Variants in OXR1 observed in about 807,000 individuals in gnomAD.
The protein encoded by OXR1 is oxidation resistance 1.
Under a neutral mutation model 104.6 loss-of-function variants are expected in OXR1, and 41 were observed. The ratio of observed to expected loss-of-function variants is 0.39; its 90% confidence interval spans 0.31 to 0.51. OXR1 has a LOEUF of 0.51. Ranked by LOEUF, OXR1 falls within the 20% of genes least tolerant of loss-of-function variation. The pLI, the probability that OXR1 is intolerant of heterozygous loss-of-function variation, is 0.77. For missense variants in OXR1, 955 were observed against 1,031.9 expected, an observed-to-expected ratio of 0.93 and a Z score of 1.02; for synonymous variants, 348 against 348.4, an observed-to-expected ratio of 1.00 and a Z score of 0.01.
chr8:106,452,899 T>TTTTTTTTTTTTTTGAGACGG (rs1342276210), intron 2 of OXR1, among the ~76,000 whole-genome samples: 1 of 151,912 alleles, frequency 6.6e-6, no homozygotes, highest in African/African-American at 2.4e-5. Context: ...TGATATCTTT[T>TTTTTTTTTTTTTTGAGACGG]AATAGATGTA....
At chr8:106,511,007 C>T (rs1030636644) in intron 2 of OXR1, among the ~76,000 whole-genome samples, 1 of 152,132 alleles carries the variant, frequency 6.6e-6, no homozygotes, top group Non-Finnish European at 1.5e-5. Flanking sequence ...CTTAATCCTC[C>T]TGTTTAAGGG....
chr8:106,624,738 G>A (rs1259400302), intron 3 of OXR1, among the ~76,000 whole-genome samples: 9 of 152,042 alleles, frequency 5.9e-5, no homozygotes, highest in Admixed American at 2.6e-4. Context: ...ACATACATTC[G>A]CATTTTATTT....
At position 106,751,075 on chromosome 8, in the gene OXR1, C is replaced by T. The variant is rs1835857768; in HGVS notation, c.*134C>T. 2 of 628,612 alleles carry T rather than the reference C, an allele frequency of 3.2e-6. No individual in the cohort carries two copies. The highest frequency in any genetic ancestry group is 5.2e-6 in the Non-Finnish European group (2 of 384,676). 38.9% of individuals were successfully genotyped at this position (628,612 alleles called of 1,614,324 possible). A position where few individuals can be genotyped will look rare whatever the true frequency, so the allele number is the denominator to read the frequency against. On this transcript the variant is annotated 3_prime_UTR_variant, in exon 17 of 17. Coordinates refer to ENST00000517566, the MANE Select transcript of OXR1 (RefSeq NM_001198533.2). ...AATTAGTCTGTATCACCATTTATTA[C>T]AGTTATAATTTTGGAGTTTATTTTT...
intron 2 of OXR1, among the ~76,000 whole-genome samples, chr8:106,462,382 G>A (rs1179333954): frequency 6.6e-6 from 1 of 152,168 alleles, no homozygotes; most frequent in African/African-American, 2.4e-5. Context: ...CATTGAATAT[G>A]TTAGTTTGTT....
intron 2 of OXR1, among the ~76,000 whole-genome samples, chr8:106,389,918 T>A (rs1415442993): frequency 6.6e-6 from 1 of 152,036 alleles, no homozygotes; most frequent in African/African-American, 2.4e-5. Flanking sequence ...ATACAAAAAT[T>A]AGCTGGAAGT....
intron 2 of OXR1, among the ~76,000 whole-genome samples, chr8:106,448,958 G>A (rs578186169): frequency 2.0e-5 from 3 of 152,034 alleles, no homozygotes; most frequent in African/African-American, 7.2e-5. Context: ...TTTGTTCTCT[G>A]GTATAAAGTT....
At chr8:106,692,231 C>T (rs996084732) in intron 6 of OXR1, among the ~76,000 whole-genome samples, 9 of 152,048 alleles carry the variant, frequency 5.9e-5, no homozygotes, top group South Asian at 2.1e-4. Context: ...TCAACTGTAG[C>T]TCGAGATTTA....
intron 6 of OXR1, among the ~76,000 whole-genome samples, chr8:106,687,728 G>A (rs930764394): frequency 1.4e-4 from 20 of 142,752 alleles, no homozygotes; most frequent in Non-Finnish European, 2.0e-4. Flanking sequence ...AAAAAAAAAA[G>A]CTCAGTTTGA....
In OXR1 at chr8:106,737,514, A is replaced by C. The variant is rs759888502; in HGVS notation, c.1957-6A>C. On this transcript the variant is annotated splice_polypyrimidine_tract_variant and splice_region_variant and intron_variant, in intron 11 of 16. Coordinates refer to ENST00000517566, the MANE Select transcript of OXR1 (RefSeq NM_001198533.2). ...GGAATTATTGTCTTCCTGTCTCCAT[A>C]TTTAGGTAGTGTCAGTGGCTGAGTA... is the stretch of plus-strand genomic sequence containing the variant. 6 of 1,073,234 alleles carry C rather than the reference A, an allele frequency of 5.6e-6. No individual in the cohort carries two copies. In the South Asian group the frequency reaches 1.2e-4, roughly 21 times the overall value. 66.5% of individuals were successfully genotyped at this position (1,073,234 alleles called of 1,614,324 possible). A position where few individuals can be genotyped will look rare whatever the true frequency, so the allele number is the denominator to read the frequency against.
At chr8:106,454,581 C>G (rs1239750669) in intron 2 of OXR1, among the ~76,000 whole-genome samples, 1 of 151,992 alleles carries the variant, frequency 6.6e-6, no homozygotes, top group East Asian at 1.9e-4. Context: ...GTGACAACAT[C>G]AAAACTGCTA....
intron 2 of OXR1, among the ~76,000 whole-genome samples, chr8:106,420,823 A>G (rs1301483418): frequency 1.3e-5 from 2 of 151,764 alleles, no homozygotes; most frequent in Non-Finnish European, 2.9e-5. Flanking sequence ...AGATATTTAA[A>G]GTCTCAGACA....
intron 8 of OXR1, among the ~76,000 whole-genome samples, chr8:106,704,502 G>C (rs187970683): frequency 4.4e-5 from 6 of 136,430 alleles, no homozygotes; most frequent in African/African-American, 1.7e-4. Context: ...GGTTCAAGCG[G>C]TTCTCCTGCC....
chr8:106,618,201 CTTAGT>C (rs775262853), intron 3 of OXR1: 32 of 1,527,206 alleles, frequency 2.1e-5, no homozygotes, highest in Non-Finnish European at 2.7e-5. Flanking sequence ...TAAGTGCTCT[CTTAGT>C]GGCTTTAAAT....
intron 2 of OXR1, among the ~76,000 whole-genome samples, chr8:106,448,471 AAT>A (rs1373410913): frequency 6.6e-6 from 1 of 150,952 alleles, no homozygotes; most frequent in Non-Finnish European, 1.5e-5. Flanking sequence ...TCTCAATTAA[AAT>A]ATATTAAGCA....
intron 2 of OXR1, among the ~76,000 whole-genome samples, chr8:106,475,677 A>G (rs1821764106): frequency 6.6e-6 from 1 of 152,028 alleles, no homozygotes; most frequent in African/African-American, 2.4e-5. Flanking sequence ...GAATCAAAGA[A>G]GTCTTGAATA....
intron 3 of OXR1, among the ~76,000 whole-genome samples, chr8:106,599,001 A>T (rs1022844384): frequency 6.6e-6 from 1 of 152,238 alleles, no homozygotes; most frequent in Non-Finnish European, 1.5e-5. Context: ...TTGGGAAATT[A>T]TTTTAAAAAT....
chr8:106,547,048 G>A (rs13282602), intron 3 of OXR1, among the ~76,000 whole-genome samples: 2 of 151,920 alleles, frequency 1.3e-5, no homozygotes, highest in East Asian at 1.9e-4. Context: ...GCACCACCAC[G>A]CCTAGCTAAT....
intron 3 of OXR1, among the ~76,000 whole-genome samples, chr8:106,544,378 A>G (rs1235150324): frequency 6.6e-6 from 1 of 152,166 alleles, no homozygotes; most frequent in Non-Finnish European, 1.5e-5. Context: ...GTTTGATCAC[A>G]TTAAAAGGTG....
Position 106,730,367 on chromosome 8 carries a change from A to G in OXR1, c.1957-7153A>G, listed in dbSNP as rs1311936084. ...CATGCTATAATTTTTCTGCCCTAAA[A>G]ATTCCCTGTGCCACAGCTATTTATC... On this transcript the variant is annotated intron_variant, in intron 11 of 16. Transcript: ENST00000517566. 3.9e-5 allele frequency among the ~76,000 whole-genome samples: 6 copies of G among 152,072 alleles called. No individual in the cohort carries two copies. The East Asian group carries it at 9.6e-4, about 24-fold the overall frequency.
Sources: gnomAD v4.1 joint callset for allele counts (sites outside exome capture counted in the v4.1 genomes callset) on GRCh38, gnomAD v4.1.1 for gene constraint, MANE v1.5 for transcripts, NCBI Gene and HGNC (gene_info 2026-07-23, HGNC 2026-07-21) for gene names.